The following MMP16 variants were observed in gnomAD, a reference collection of about 807,000 sequenced individuals.
MMP16 encodes matrix metalloproteinase-16.
Under a neutral mutation model 67.8 loss-of-function variants are expected in MMP16, and 12 were observed. That is an observed-to-expected ratio of 0.18 (90% CI 0.11 to 0.29). MMP16 has a LOEUF of 0.29. Ranked by LOEUF, MMP16 falls within the 10% of genes least tolerant of loss-of-function variation. The pLI is 1.00. For missense variants in MMP16, 475 were observed against 765.7 expected, an observed-to-expected ratio of 0.62 and a Z score of 4.48; for synonymous variants, 249 against 255.9, an observed-to-expected ratio of 0.97 and a Z score of 0.26.
chr8:88,293,367 T>C (rs1054835204), intron 1 of MMP16, among the ~76,000 whole-genome samples: 6 of 152,154 alleles, frequency 3.9e-5, no homozygotes, highest in Non-Finnish European at 2.9e-5. Flanking sequence ...TGATGATTAA[T>C]GGATAAAAAG....
chr8:88,308,382 C>T (rs2139483), intron 1 of MMP16, among the ~76,000 whole-genome samples: 148,547 of 152,184 alleles, frequency 0.98, 72,560 homozygotes, highest in East Asian at 1. Flanking sequence ...CATGTTCTAT[C>T]TTGTCAGTGG....
chr8:88,176,037 T>G (rs927597936), intron 3 of MMP16, among the ~76,000 whole-genome samples: 2 of 152,228 alleles, frequency 1.3e-5, no homozygotes, highest in African/African-American at 2.4e-5. Context: ...CATGAGTATT[T>G]CTTTATAGCA....
intron 1 of MMP16, among the ~76,000 whole-genome samples, chr8:88,239,696 G>C (rs1228561626): frequency 1.3e-5 from 2 of 152,024 alleles, no homozygotes; most frequent in African/African-American, 4.8e-5. Flanking sequence ...GTGATGAGGA[G>C]GATAAATCAG....
chr8:88,227,291 G>T (rs562240062), intron 1 of MMP16, among the ~76,000 whole-genome samples: 1 of 151,912 alleles, frequency 6.6e-6, no homozygotes, highest in South Asian at 2.1e-4. Flanking sequence ...AAAACATCAA[G>T]TTATGTTTTT....
At chr8:88,282,089 G>T (rs918756324) in intron 1 of MMP16, among the ~76,000 whole-genome samples, 3 of 148,424 alleles carry the variant, frequency 2.0e-5, no homozygotes, top group African/African-American at 5.1e-5. Context: ...TTTTGGGGGG[G>T]GGGGGGCGAC....
At chr8:88,063,739 C>T (rs1051987450) in intron 7 of MMP16, among the ~76,000 whole-genome samples, 1 of 152,002 alleles carries the variant, frequency 6.6e-6, no homozygotes, top group African/African-American at 2.4e-5. Context: ...TGATTCAGTG[C>T]TTATCTTACT....
intron 4 of MMP16, among the ~76,000 whole-genome samples, chr8:88,149,205 G>C (rs911381577): frequency 2.0e-5 from 3 of 152,188 alleles, no homozygotes; most frequent in African/African-American, 7.2e-5. Flanking sequence ...GGCTCGGAGG[G>C]TCCTACACCC....
chr8:88,284,381 T>C (rs1490424304), intron 1 of MMP16, among the ~76,000 whole-genome samples: 1 of 152,138 alleles, frequency 6.6e-6, no homozygotes, highest in African/African-American at 2.4e-5. Context: ...TTAAAAATTG[T>C]TTAGTTAGAA....
intron 1 of MMP16, among the ~76,000 whole-genome samples, chr8:88,237,367 T>C (rs35474420): frequency 0.25 from 37,476 of 152,074 alleles, 6,270 homozygotes; most frequent in East Asian, 0.52. Flanking sequence ...AACTGCATCT[T>C]GGCCGGGCGC....
chr8:88,156,493 A>G (rs1162168351), intron 4 of MMP16, among the ~76,000 whole-genome samples: 1 of 152,102 alleles, frequency 6.6e-6, no homozygotes, highest in Non-Finnish European at 1.5e-5. Flanking sequence ...GATTTCAACT[A>G]AAGAAGAGAG....
At chr8:88,123,204 G>GA (rs1807869460) in intron 4 of MMP16, among the ~76,000 whole-genome samples, 1 of 151,938 alleles carries the variant, frequency 6.6e-6, no homozygotes, top group Admixed American at 6.6e-5. Flanking sequence ...GTGATTCTAA[G>GA]AAAAAACTGA....
chr8:88,211,512 A>G (rs970224787), intron 1 of MMP16, among the ~76,000 whole-genome samples: 6 of 152,170 alleles, frequency 3.9e-5, no homozygotes, highest in Non-Finnish European at 7.4e-5. Context: ...CAAGTGTACA[A>G]TGATAAAGCT....
At chr8:88,092,332 G>A (rs548920971) in intron 6 of MMP16, among the ~76,000 whole-genome samples, 9 of 151,896 alleles carry the variant, frequency 5.9e-5, no homozygotes, top group South Asian at 4.1e-4. Context: ...TGCATTGCTC[G>A]TTCCTTTATC....
chr8:88,152,235 CAA>C (rs1414968291), intron 4 of MMP16, among the ~76,000 whole-genome samples: 1 of 61,952 alleles, frequency 1.6e-5, no homozygotes, highest in African/African-American at 8.2e-5. Flanking sequence ...GTTTACCAAC[CAA>C]AAAGAGTCCA....
At chr8:88,317,009 T>G (rs1260896589) in intron 1 of MMP16, among the ~76,000 whole-genome samples, 1 of 152,182 alleles carries the variant, frequency 6.6e-6, no homozygotes, top group African/African-American at 2.4e-5. Context: ...TATAAAACTT[T>G]AATGAATGAG....
intron 1 of MMP16, among the ~76,000 whole-genome samples, chr8:88,244,707 A>T (rs899933001): frequency 1.8e-4 from 27 of 152,278 alleles, no homozygotes; most frequent in African/African-American, 6.5e-4. Flanking sequence ...GTGCTTGAAC[A>T]CAAGCAGTGT....
Position 88,084,735 on chromosome 8 carries a change from T to C in MMP16, c.1084-9992A>G, listed in dbSNP as rs145763340. Among the ~76,000 whole-genome samples the C allele has an allele frequency of 3.1e-3, 475 of 152,144 alleles. 1 individual carries two copies. Among genetic ancestry groups the C allele is most frequent in the African/African-American group, 0.011 (449 of 41,566 alleles). On this transcript the variant is annotated intron_variant, in intron 6 of 9. Transcript: ENST00000286614. ...TTTATTCTTGCAACTTTTCTGTATT[T>C]GTGAAAAATTTCTTAGTAAAAAGTT...
intron 6 of MMP16, among the ~76,000 whole-genome samples, chr8:88,081,380 TCTTA>T (rs1167658659): frequency 2.0e-5 from 3 of 152,260 alleles, no homozygotes; most frequent in Middle Eastern, 3.4e-3. Flanking sequence ...TCAGAAAATT[TCTTA>T]CTTAAAGTTT....
At chr8:88,150,892 G>A (rs1409245182) in intron 4 of MMP16, among the ~76,000 whole-genome samples, 2 of 141,420 alleles carry the variant, frequency 1.4e-5, no homozygotes, top group Non-Finnish European at 3.1e-5. Context: ...TGGACTAAAT[G>A]CTCCAATTAA....
Sources: gnomAD v4.1 joint callset for allele counts (sites outside exome capture counted in the v4.1 genomes callset) on GRCh38, gnomAD v4.1.1 for gene constraint, MANE v1.5 for transcripts, NCBI Gene and HGNC (gene_info 2026-07-23, HGNC 2026-07-21) for gene names.